NCOA1: variants seen among roughly 807,000 people sequenced by gnomAD.
NCOA1 encodes the protein nuclear receptor coactivator 1.
Under a neutral mutation model 150.9 loss-of-function variants are expected in NCOA1, and 35 were observed. The ratio of observed to expected loss-of-function variants is 0.23; its 90% CI spans 0.18 to 0.31. The LOEUF (loss-of-function observed/expected upper bound fraction) is 0.31, where lower values mean the gene tolerates loss of function less well. NCOA1 is among the 10% of genes least tolerant of loss of function. The pLI is 1.00. For missense variants in NCOA1, 1,491 were observed against 1,749.3 expected (o/e 0.85, Z 2.63); for synonymous variants, 590 against 630.0 (o/e 0.94, Z 0.95).
intron 1 of NCOA1, among the ~76,000 whole-genome samples, chr2:24,522,386 C>G (rs929924673): frequency 1.3e-5 from 2 of 152,156 alleles, no homozygotes; most frequent in Non-Finnish European, 2.9e-5. Flanking sequence ...CTACAGTGTT[C>G]AAGCTTTGTG....
In NCOA1 at chr2:24,750,097, GA is replaced by G. The variant is rs527294680; in HGVS notation, c.3707-1878del. ...AAACAGCAGATTAGAAATTACAGAA[GA>G]AAAAAATAGTGAACTTAAAGATATA... On this transcript the variant is annotated intron_variant, in intron 19 of 22. Transcript: ENST00000348332. Among the ~76,000 whole-genome samples the G allele has an allele frequency of 2.9e-3, 442 of 151,172 alleles. 3 individuals carry two copies. Among genetic ancestry groups the G allele is most frequent in the African/African-American group, 0.01 (424 of 41,162 alleles).
intron 6 of NCOA1, among the ~76,000 whole-genome samples, chr2:24,668,652 G>T (rs1671540031): frequency 6.6e-6 from 1 of 152,056 alleles, no homozygotes; most frequent in Non-Finnish European, 1.5e-5. Context: ...TAGAAAGAAG[G>T]GCATAGGATC....
chr2:24,757,977 T>A lies in NCOA1; in HGVS notation c.3886T>A (p.Phe1296Ile). 1 of 1,613,518 alleles carries A rather than the reference T, an allele frequency of 6.2e-7. No homozygotes were observed. Among genetic ancestry groups the A allele is most frequent in the Non-Finnish European group, 8.5e-7 (1 of 1,179,710 alleles). Reference protein sequence around the residue: ...QQGAIGNNNVFSQAVQNQPTP... With the variant: ...QQGAIGNNNVISQAVQNQPTP... ...GGATTGTTTTTGAGTTTACAGTGTG[T>A]TCAGTCAAGCTGTCCAGAACCAGCC... is the stretch of plus-strand genomic sequence containing the variant. Residue 1296 changes from phenylalanine to isoleucine, a missense_variant, in exon 21 of 23, where the codon TTC becomes ATC. Phe to Ile is a conservative substitution (Grantham distance 21, BLOSUM62 0). Coordinates refer to ENST00000348332, the MANE Select transcript of NCOA1 (RefSeq NM_003743.5).
intron 4 of NCOA1, among the ~76,000 whole-genome samples, chr2:24,653,536 T>C (rs892735463): frequency 5.3e-5 from 8 of 152,204 alleles, no homozygotes; most frequent in Non-Finnish European, 1.2e-4. Flanking sequence ...GATAGGTTAA[T>C]TGTTTTTAAT....
intron 2 of NCOA1, among the ~76,000 whole-genome samples, chr2:24,566,598 C>T (rs1666518380): frequency 6.6e-6 from 1 of 152,198 alleles, no homozygotes; most frequent in Non-Finnish European, 1.5e-5. Flanking sequence ...GCAGCTTGGC[C>T]CCAGGCTTCA....
chr2:24,692,953 C>T (rs1428496442), intron 9 of NCOA1, among the ~76,000 whole-genome samples: 2 of 152,174 alleles, frequency 1.3e-5, no homozygotes, highest in South Asian at 2.1e-4. Context: ...CTCCACCTCC[C>T]GGGTTCACGC....
chr2:24,760,376 C>A (rs1224764467), intron 21 of NCOA1, among the ~76,000 whole-genome samples: 27 of 135,092 alleles, frequency 2.0e-4, no homozygotes, highest in Non-Finnish European at 4.6e-5. Flanking sequence ...CCAGGATGGT[C>A]TCAATCTCCT....
chr2:24,716,139 G>A (rs1479097170), intron 14 of NCOA1, among the ~76,000 whole-genome samples: 15 of 97,140 alleles, frequency 1.5e-4, no homozygotes, highest in Non-Finnish European at 2.9e-4. Flanking sequence ...GTGAGACTCC[G>A]TCTCAAAAAA....
chr2:24,602,439 A>C (rs1001915831), intron 3 of NCOA1, among the ~76,000 whole-genome samples: 1 of 152,122 alleles, frequency 6.6e-6, no homozygotes, highest in Non-Finnish European at 1.5e-5. Context: ...AAGCTCAAGC[A>C]ATCTGCCTAC....
At chr2:24,712,762 CT>C in intron 14 of NCOA1, among the ~76,000 whole-genome samples, 1 of 149,676 alleles carries the variant, frequency 6.7e-6, no homozygotes, top group South Asian at 2.1e-4. Flanking sequence ...AGAAAAAACT[CT>C]TGGAAATTAG....
chr2:24,753,684 G>A (rs1279936458), intron 20 of NCOA1, among the ~76,000 whole-genome samples: 3 of 152,140 alleles, frequency 2.0e-5, no homozygotes, highest in Non-Finnish European at 4.4e-5. Context: ...CTATCACTTA[G>A]TCTCCTTGAG....
chr2:24,609,120 C>A (rs930481113), intron 3 of NCOA1, among the ~76,000 whole-genome samples: 5 of 152,268 alleles, frequency 3.3e-5, no homozygotes, highest in Admixed American at 1.3e-4. Context: ...AAATCACCTT[C>A]AAGGGGTGAG....
At chr2:24,758,984 A>G (rs992986521) in intron 21 of NCOA1, among the ~76,000 whole-genome samples, 1 of 152,142 alleles carries the variant, frequency 6.6e-6, no homozygotes, top group Non-Finnish European at 1.5e-5. Context: ...GCAAGACTCC[A>G]TCTCAAAAAA....
At chr2:24,761,262 C>T (rs1664780167) in intron 21 of NCOA1, among the ~76,000 whole-genome samples, 1 of 152,224 alleles carries the variant, frequency 6.6e-6, no homozygotes, top group Non-Finnish European at 1.5e-5. Context: ...GTCTCACATT[C>T]ACCGATTCTC....
chr2:24,515,442 C>T (rs889739532), intron 1 of NCOA1, among the ~76,000 whole-genome samples: 2 of 152,012 alleles, frequency 1.3e-5, no homozygotes, highest in Non-Finnish European at 2.9e-5. Flanking sequence ...CACTATGTTG[C>T]CCAGGCTGGT....
intron 1 of NCOA1, among the ~76,000 whole-genome samples, chr2:24,492,814 G>A (rs1223280921): frequency 6.6e-6 from 1 of 152,302 alleles, no homozygotes; most frequent in South Asian, 2.1e-4. Context: ...GAGGGCTGGT[G>A]CTTACATTTC....
chr2:24,601,225 T>C (rs1401158650), intron 3 of NCOA1, among the ~76,000 whole-genome samples: 1 of 152,126 alleles, frequency 6.6e-6, no homozygotes, highest in Non-Finnish European at 1.5e-5. Flanking sequence ...TTTTTTTTGT[T>C]TGTTTTTGAT....
At chr2:24,646,787 A>AG (rs1218120769) in intron 4 of NCOA1, among the ~76,000 whole-genome samples, 1 of 151,700 alleles carries the variant, frequency 6.6e-6, no homozygotes, top group African/African-American at 2.4e-5. Context: ...GTTGGAACAA[A>AG]GGAAATCTAG....
intron 1 of NCOA1, among the ~76,000 whole-genome samples, chr2:24,526,903 A>G (rs1419793993): frequency 6.6e-6 from 1 of 152,208 alleles, no homozygotes; most frequent in Non-Finnish European, 1.5e-5. Flanking sequence ...AAAAAAATAC[A>G]GTGTAACAAC....
Sources: gnomAD v4.1 joint callset for allele counts (sites outside exome capture counted in the v4.1 genomes callset) on GRCh38, gnomAD v4.1.1 for gene constraint, MANE v1.5 for transcripts, NCBI Gene and HGNC (gene_info 2026-07-23, HGNC 2026-07-21) for gene names.